Variants in APP observed in about 807,000 individuals in gnomAD.
The protein encoded by APP is amyloid-beta precursor protein.
A neutral mutation model predicts 101.4 loss-of-function variants in APP; 31 were observed. The observed-to-expected ratio is 0.31, with a 90% CI of 0.23 to 0.41. The LOEUF (loss-of-function observed/expected upper bound fraction) is 0.41, where lower values mean the gene tolerates loss of function less well. Among genes scored for constraint, APP ranks in the 10% least tolerant of loss-of-function variants. The pLI, the probability that APP is intolerant of heterozygous loss-of-function variation, is 1.00. For missense variants in APP, 839 were observed against 1,003.7 expected (o/e 0.84, Z 2.22); for synonymous variants, 366 against 364.4 (o/e 1.00, Z -0.05).
At chr21:26,110,530 T>C (rs1035348571) in intron 2 of APP, among the ~76,000 whole-genome samples, 5 of 152,154 alleles carry the variant, frequency 3.3e-5, no homozygotes, top group African/African-American at 1.2e-4. Context: ...ACATCATGGT[T>C]CATACTCCTT....
intron 15 of APP, among the ~76,000 whole-genome samples, chr21:25,901,383 A>C (rs1298178924): frequency 8.3e-6 from 1 of 120,560 alleles, no homozygotes; most frequent in Non-Finnish European, 1.9e-5. Context: ...GATACTGTGA[A>C]TACTTTTGGT....
rs529071166 is a variant in APP at position 26,039,808 on chromosome 21, C to T, written c.662+11192G>A. Among the ~76,000 whole-genome samples the T allele has an allele frequency of 5.9e-5, 9 of 151,866 alleles. 2 individuals are homozygous for T. The highest frequency in any genetic ancestry group is 2.2e-4 in the African/African-American group (9 of 41,440). On this transcript the variant is annotated intron_variant, in intron 5 of 17. Coordinates refer to ENST00000346798, the MANE Select transcript of APP (RefSeq NM_000484.4). The stretch of plus-strand genomic sequence containing the variant: ...GGAAGCACTTAATTTTTTTAATTTG[C>T]TCAATTGCAAAAAATTTATTTATAT...
chr21:26,091,455 A>T (rs796404089), intron 2 of APP, among the ~76,000 whole-genome samples: 1 of 152,178 alleles, frequency 6.6e-6, no homozygotes, highest in Non-Finnish European at 1.5e-5. Flanking sequence ...GCAATGGGTG[A>T]TGGAGAATGA....
intron 1 of APP, among the ~76,000 whole-genome samples, chr21:26,164,725 G>A (rs543864022): frequency 1.4e-4 from 21 of 151,798 alleles, no homozygotes; most frequent in Middle Eastern, 6.8e-3. Flanking sequence ...GCATGGTGGC[G>A]AGTGCCCATA....
intron 11 of APP, among the ~76,000 whole-genome samples, chr21:25,961,338 T>C (rs1229381583): frequency 6.6e-6 from 1 of 152,362 alleles, no homozygotes; most frequent in East Asian, 1.9e-4. Context: ...TTTGGGCACA[T>C]GTCATCAGGA....
intron 13 of APP, among the ~76,000 whole-genome samples, chr21:25,916,521 A>G (rs560328356): frequency 2.6e-5 from 4 of 152,318 alleles, no homozygotes; most frequent in South Asian, 2.1e-4. Flanking sequence ...GTTCATTCTG[A>G]GTGGGACTTT....
At chr21:26,090,655 G>A (rs1224436377) in intron 2 of APP, among the ~76,000 whole-genome samples, 1 of 152,152 alleles carries the variant, frequency 6.6e-6, no homozygotes, top group Non-Finnish European at 1.5e-5. Context: ...AATTGGTGTA[G>A]GATAATAGTC....
chr21:26,082,499 T>G (rs1296133442), intron 3 of APP, among the ~76,000 whole-genome samples: 1 of 152,152 alleles, frequency 6.6e-6, no homozygotes, highest in African/African-American at 2.4e-5. Flanking sequence ...AACTTTAAAA[T>G]TATAAAATAA....
intron 11 of APP, among the ~76,000 whole-genome samples, chr21:25,972,810 G>GT (rs941032197): frequency 3.3e-4 from 47 of 142,812 alleles, no homozygotes; most frequent in Admixed American, 8.5e-4. Context: ...TAAACATGTT[G>GT]TTTTTTTTTT....
intron 3 of APP, among the ~76,000 whole-genome samples, chr21:26,079,636 AG>A (rs1285089595): frequency 6.6e-6 from 1 of 152,244 alleles, no homozygotes; most frequent in Non-Finnish European, 1.5e-5. Flanking sequence ...ACACAGCTTC[AG>A]GAAGTCCTGA....
chr21:25,970,071 T>A (rs1232515836), intron 11 of APP, among the ~76,000 whole-genome samples: 1 of 151,996 alleles, frequency 6.6e-6, no homozygotes, highest in East Asian at 1.9e-4. Context: ...TTAACAGGAA[T>A]CCTTAGATCA....
chr21:26,007,384 A>G (rs1362677417), intron 6 of APP, among the ~76,000 whole-genome samples: 2 of 147,274 alleles, frequency 1.4e-5, no homozygotes, highest in African/African-American at 4.9e-5. Flanking sequence ...ATTAGATTAT[A>G]ATATATTATA....
At chr21:25,924,630 G>A (rs2039804084) in intron 13 of APP, among the ~76,000 whole-genome samples, 2 of 146,532 alleles carry the variant, frequency 1.4e-5, no homozygotes, top group African/African-American at 5.1e-5. Flanking sequence ...GGTGAAAGGG[G>A]AGGGAGAGCA....
chr21:26,156,737 C>A (rs1247145783), intron 1 of APP, among the ~76,000 whole-genome samples: 2 of 152,006 alleles, frequency 1.3e-5, no homozygotes, highest in Non-Finnish European at 2.9e-5. Context: ...CCAAGTTTCT[C>A]AAATTATATA....
chr21:26,059,657 G>A (rs1416956339), intron 3 of APP, among the ~76,000 whole-genome samples: 2 of 152,114 alleles, frequency 1.3e-5, no homozygotes, highest in East Asian at 1.9e-4. Flanking sequence ...TTGGGAGGCC[G>A]AGACGGGTGG....
intron 1 of APP, among the ~76,000 whole-genome samples, chr21:26,145,744 A>G (rs992100412): frequency 1.3e-5 from 2 of 152,058 alleles, no homozygotes; most frequent in African/African-American, 4.8e-5. Context: ...TCTGCTACTG[A>G]CATAATACAC....
At chr21:26,113,766 T>C (rs958112608) in intron 1 of APP, among the ~76,000 whole-genome samples, 1 of 152,230 alleles carries the variant, frequency 6.6e-6, no homozygotes, top group Non-Finnish European at 1.5e-5. Flanking sequence ...CTCTATAAAT[T>C]TAAATTTCAC....
At chr21:25,908,390 G>C (rs2038897460) in intron 14 of APP, among the ~76,000 whole-genome samples, 1 of 152,096 alleles carries the variant, frequency 6.6e-6, no homozygotes, top group South Asian at 2.1e-4. Flanking sequence ...ACAAATTTTT[G>C]GTAAGCATTT....
chr21:26,042,977 C>A (rs924844276), intron 5 of APP, among the ~76,000 whole-genome samples: 2 of 152,088 alleles, frequency 1.3e-5, no homozygotes, highest in Non-Finnish European at 2.9e-5. Flanking sequence ...AGGTTTAGTG[C>A]CCTTCATTAC....
Sources: allele counts gnomAD v4.1 joint callset (sites outside exome capture counted in the v4.1 genomes callset), GRCh38; gene constraint gnomAD v4.1.1; transcripts MANE v1.5; gene names NCBI Gene and HGNC (gene_info 2026-07-23, HGNC 2026-07-21).